Variants in ATRNL1 observed in about 807,000 individuals in gnomAD.
The protein encoded by ATRNL1 is attractin-like protein 1.
Under a neutral mutation model 182.7 loss-of-function variants are expected in ATRNL1, and 95 were observed. That is an observed-to-expected ratio of 0.52 (90% CI 0.44 to 0.62). The LOEUF (loss-of-function observed/expected upper bound fraction) is 0.62. Among genes scored for constraint, ATRNL1 ranks in the 20% least tolerant of loss-of-function variants. The probability of loss-of-function intolerance (pLI) is 0.00; values close to 1 mark genes in which losing one functional copy is unlikely to be tolerated. For synonymous variants in ATRNL1, 576 were observed against 568.3 expected, an observed-to-expected ratio of 1.01 and a Z score of -0.19; for missense variants, 1,471 against 1,679.5, an observed-to-expected ratio of 0.88 and a Z score of 2.17.
chr10:115,186,788 A>G (rs1554888833), intron 8 of ATRNL1, among the ~76,000 whole-genome samples: 1 of 152,120 alleles, frequency 6.6e-6, no homozygotes, highest in Non-Finnish European at 1.5e-5. Context: ...AACAGTGACT[A>G]TAGTGAACAA....
chr10:115,292,843 G>C (rs972629555), intron 15 of ATRNL1, among the ~76,000 whole-genome samples: 1 of 152,050 alleles, frequency 6.6e-6, no homozygotes, highest in Non-Finnish European at 1.5e-5. Flanking sequence ...CTTCAGTACA[G>C]TGTTCTGTAA....
intron 26 of ATRNL1, among the ~76,000 whole-genome samples, chr10:115,658,474 C>T (rs1270732951): frequency 6.6e-6 from 1 of 152,024 alleles, no homozygotes; most frequent in East Asian, 1.9e-4. Context: ...TATCCTTCTT[C>T]TGTGGATAAT....
chr10:115,466,695 T>C (rs1447434877), intron 22 of ATRNL1, among the ~76,000 whole-genome samples: 1 of 151,122 alleles, frequency 6.6e-6, no homozygotes, highest in African/African-American at 2.4e-5. Context: ...AAGTTTTAGG[T>C]TATGTTATTT....
chr10:115,724,748 C>A (rs1172076599), intron 26 of ATRNL1, among the ~76,000 whole-genome samples: 2 of 152,030 alleles, frequency 1.3e-5, no homozygotes, highest in African/African-American at 4.8e-5. Context: ...TAAGCTCAAA[C>A]AGCTAAAAAG....
chr10:115,290,328 A>G (rs1447832042), intron 15 of ATRNL1, among the ~76,000 whole-genome samples: 1 of 152,106 alleles, frequency 6.6e-6, no homozygotes, highest in African/African-American at 2.4e-5. Context: ...ACACCAAGGA[A>G]ATCAAGGACA....
At chr10:115,292,985 T>C (rs1219009834) in intron 15 of ATRNL1, among the ~76,000 whole-genome samples, 2 of 152,174 alleles carry the variant, frequency 1.3e-5, no homozygotes, top group Non-Finnish European at 2.9e-5. Context: ...TTTTGGGGCA[T>C]ATTTCTCTTT....
intron 5 of ATRNL1, among the ~76,000 whole-genome samples, chr10:115,143,754 G>C (rs782355361): frequency 3.9e-5 from 6 of 152,084 alleles, no homozygotes; most frequent in African/African-American, 7.2e-5. Context: ...GAGAACGCAC[G>C]TGAGAGTGTG....
intron 5 of ATRNL1, among the ~76,000 whole-genome samples, chr10:115,135,415 T>C (rs2143766714): frequency 6.6e-6 from 1 of 152,310 alleles, no homozygotes; most frequent in South Asian, 2.1e-4. Flanking sequence ...AGCCAAATCA[T>C]GAGTGAACTC....
intron 17 of ATRNL1, among the ~76,000 whole-genome samples, chr10:115,312,724 T>C (rs1554928263): frequency 6.6e-6 from 1 of 152,164 alleles, no homozygotes; most frequent in African/African-American, 2.4e-5. Flanking sequence ...TTCTCTTTCT[T>C]TTACCTCAGG....
chr10:115,933,259 T>C (rs1376930246), intron 28 of ATRNL1, among the ~76,000 whole-genome samples: 2 of 152,348 alleles, frequency 1.3e-5, no homozygotes, highest in African/African-American at 2.4e-5. Flanking sequence ...AATGTGAAAC[T>C]TAGAGTCAGC....
At chr10:115,480,056 A>G (rs782076488) in intron 24 of ATRNL1, among the ~76,000 whole-genome samples, 3 of 151,352 alleles carry the variant, frequency 2.0e-5, no homozygotes, top group East Asian at 1.9e-4. Flanking sequence ...TCACTTTGCA[A>G]TTCTAATTTC....
chr10:115,480,414 TG>T (rs1428113408), intron 24 of ATRNL1, among the ~76,000 whole-genome samples: 1 of 151,238 alleles, frequency 6.6e-6, no homozygotes, highest in Non-Finnish European at 1.5e-5. Context: ...AATTGTTATA[TG>T]CTTGAAGAAG....
intron 21 of ATRNL1, among the ~76,000 whole-genome samples, chr10:115,435,489 C>A (rs1554964666): frequency 6.6e-6 from 1 of 152,054 alleles, no homozygotes; most frequent in African/African-American, 2.4e-5. Flanking sequence ...GAACTGTGAG[C>A]CCATAAATTT....
chr10:115,298,035 G>A (rs544161930), intron 15 of ATRNL1, among the ~76,000 whole-genome samples: 1 of 152,246 alleles, frequency 6.6e-6, no homozygotes, highest in East Asian at 1.9e-4. Flanking sequence ...AGCATGCCCT[G>A]TAAATGAAGA....
chr10:115,368,226 G>A (rs565185405), intron 19 of ATRNL1, among the ~76,000 whole-genome samples: 10 of 152,322 alleles, frequency 6.6e-5, no homozygotes, highest in South Asian at 2.1e-4. Context: ...ATAATCTCGC[G>A]GTGCGCCGTT....
intron 25 of ATRNL1, among the ~76,000 whole-genome samples, chr10:115,534,411 A>G (rs2133759762): frequency 6.6e-6 from 1 of 152,322 alleles, no homozygotes; most frequent in South Asian, 2.1e-4. Flanking sequence ...GTTTTATCAG[A>G]GACTAGGATT....
At chr10:115,908,940 C>T (rs1440468395) in intron 28 of ATRNL1, among the ~76,000 whole-genome samples, 2 of 152,130 alleles carry the variant, frequency 1.3e-5, no homozygotes, top group Non-Finnish European at 2.9e-5. Flanking sequence ...CCTTGGTGGG[C>T]AGAGCAGTGT....
At chr10:115,713,928 C>G (rs1947167564) in intron 26 of ATRNL1, among the ~76,000 whole-genome samples, 1 of 152,168 alleles carries the variant, frequency 6.6e-6, no homozygotes, top group Non-Finnish European at 1.5e-5. Context: ...AAATTTAGAA[C>G]TTGACTTCTT....
chr10:115,587,938 C>G (rs1225958658), intron 26 of ATRNL1, among the ~76,000 whole-genome samples: 2 of 151,548 alleles, frequency 1.3e-5, no homozygotes, highest in African/African-American at 4.9e-5. Flanking sequence ...TTTATTAATT[C>G]AAATTAAATG....
Sources: allele counts gnomAD v4.1 joint callset (sites outside exome capture counted in the v4.1 genomes callset), GRCh38; gene constraint gnomAD v4.1.1; transcripts MANE v1.5; gene names NCBI Gene and HGNC (gene_info 2026-07-23, HGNC 2026-07-21).